The following SGSM3 variants were observed in gnomAD, a reference collection of about 807,000 sequenced individuals.
SGSM3 encodes the protein small G protein signaling modulator 3, also known as RUN and SH3 containing 3.
In SGSM3, 96 loss-of-function variants were observed where a neutral mutation model predicts 100.5. That is an observed-to-expected ratio of 0.96 (90% CI 0.81 to 1.13). SGSM3 has a LOEUF of 1.13. SGSM3 is among the 50% of genes most tolerant of loss of function. The pLI, the probability that SGSM3 is intolerant of heterozygous loss-of-function variation, is 0.00. For synonymous variants in SGSM3, 483 were observed against 422.8 expected (o/e 1.14, Z -1.75); for missense variants, 1,001 against 1,015.8 (o/e 0.99, Z 0.20).
At position 40,405,081 on chromosome 22, in the gene SGSM3, G is replaced by C. The variant is rs1204099627; in HGVS notation, c.475-60G>C. ...TGGGGGAGAAGCCCGCCTGGGGTCTGCCTCCCTCCCAGGGTGTCACAAGGT... is the reference window on the plus strand; with the variant it reads ...TGGGGGAGAAGCCCGCCTGGGGTCTCCCTCCCTCCCAGGGTGTCACAAGGT... On this transcript the variant is annotated intron_variant, in intron 6 of 21. Transcript: ENST00000248929. The C allele has an allele frequency of 6.2e-6, 9 of 1,455,724 alleles. No individual in the cohort carries two copies. In the East Asian group the frequency reaches 2.0e-4, roughly 33 times the overall value. The allele number at this position is 1,455,724 out of a possible 1,614,324, so 90.2% of individuals were successfully genotyped here.
intron 1 of SGSM3, among the ~76,000 whole-genome samples, chr22:40,384,470 TA>T (rs552105216): frequency 2.0e-5 from 3 of 151,254 alleles, no homozygotes; most frequent in African/African-American, 4.9e-5. Flanking sequence ...AAACAAAAAT[TA>T]AAAAAAAATT....
chr22:40,389,916 GAA>G (rs34606137), intron 1 of SGSM3, among the ~76,000 whole-genome samples: 22 of 104,950 alleles, frequency 2.1e-4, no homozygotes, highest in Admixed American at 7.4e-4. Context: ...AAAAAAAAAA[GAA>G]AAAAAAAAAA....
Position 40,408,431 on chromosome 22 carries a change from T to C in SGSM3, c.1782+2T>C. ...CACCCCTGGCTGTTTATCGAGGAGG[T>C]AAGTCAGTGGCTGGGCCCATGACCC... On this transcript the variant is annotated splice_donor_variant, in intron 16 of 21. Transcript: ENST00000248929. LOFTEE classifies it high-confidence loss of function. The C allele has an allele frequency of 6.2e-7, 1 of 1,613,066 alleles. No individual in the cohort carries two copies. Among genetic ancestry groups the C allele is most frequent in the South Asian group, 1.1e-5 (1 of 91,048 alleles).
In SGSM3 at chr22:40,400,765, C is replaced by A. The variant is rs368777526; in HGVS notation, c.-42C>A. 1.9e-5 allele frequency: 29 copies of A among 1,550,842 alleles called. No individual in the cohort carries two copies. Among genetic ancestry groups the A allele is most frequent in the Middle Eastern group, 1.7e-4 (1 of 5,980 alleles). On this transcript the variant is annotated 5_prime_UTR_variant, in exon 2 of 22. Transcript: ENST00000248929. ...TCTAAGATAGCAGGATAGGAGACTT[C>A]TAAGATTGGAGCTGCAGAAGACTTG...
At chr22:40,397,163 G>A (rs9611330) in intron 1 of SGSM3, among the ~76,000 whole-genome samples, 1,661 of 152,206 alleles carry the variant, frequency 0.011, 10 homozygotes, top group Admixed American at 0.017. Flanking sequence ...ATTCACATCC[G>A]GCTGGGCTTT....
chr22:40,388,658 G>A (rs916952189), intron 1 of SGSM3, among the ~76,000 whole-genome samples: 2 of 152,208 alleles, frequency 1.3e-5, no homozygotes, highest in Admixed American at 1.3e-4. Flanking sequence ...GGGGCCGAGA[G>A]TGGAGGCAGA....
intron 10 of SGSM3, 42 bp downstream of exon 10, chr22:40,406,704 G>T (rs762376175): frequency 2.7e-6 from 4 of 1,497,696 alleles, no homozygotes; most frequent in Admixed American, 3.5e-5. Flanking sequence ...CACAGCACAC[G>T]GGGAGGAGGG....
rs768593978 is a variant in SGSM3, at chr22:40,407,329, G to A, written c.1368+1G>A. ...CACAGACCCCAAAAACTGCAGCGTG[G>A]TGAGTCGCCAGCTCCCTGGGCTGCT... On this transcript the variant is annotated splice_donor_variant, in intron 12 of 21. Coordinates refer to ENST00000248929, the MANE Select transcript of SGSM3 (RefSeq NM_015705.6). LOFTEE classifies it high-confidence loss of function. This position sits in a 1 kb window ranked among gnomAD's most constrained non-coding sequence, Gnocchi z 4.7. The A allele has an allele frequency of 1.2e-6, 2 of 1,613,462 alleles. No individual in the cohort carries two copies. The highest frequency in any genetic ancestry group is 1.1e-5 in the South Asian group (1 of 91,082).
intron 1 of SGSM3, among the ~76,000 whole-genome samples, chr22:40,373,152 T>C (rs1250087807): frequency 6.6e-6 from 1 of 152,226 alleles, no homozygotes; most frequent in Non-Finnish European, 1.5e-5. Flanking sequence ...CAGACACTAG[T>C]TGTCACAGGT....
chr22:40,382,740 G>A (rs1485182655), intron 1 of SGSM3, among the ~76,000 whole-genome samples: 1 of 152,220 alleles, frequency 6.6e-6, no homozygotes, highest in Non-Finnish European at 1.5e-5. Flanking sequence ...TGTGAGATAC[G>A]TTATATTGTG....
intron 1 of SGSM3, among the ~76,000 whole-genome samples, chr22:40,380,598 C>A (rs2047409060): frequency 6.6e-6 from 1 of 152,090 alleles, no homozygotes; most frequent in African/African-American, 2.4e-5. Flanking sequence ...AACTCCTGAC[C>A]TCAAGTGATC....
intron 1 of SGSM3, among the ~76,000 whole-genome samples, chr22:40,396,486 G>T (rs2050057707): frequency 6.6e-6 from 1 of 151,820 alleles, no homozygotes; most frequent in African/African-American, 2.4e-5. Context: ...CCAGCTACCT[G>T]GGAGGCTGAG....
chr22:40,380,478 C>T (rs1367628826), intron 1 of SGSM3, among the ~76,000 whole-genome samples: 5 of 151,760 alleles, frequency 3.3e-5, no homozygotes, highest in African/African-American at 9.7e-5. Context: ...GCAATTCTCC[C>T]ACCTCAGCAT....
intron 2 of SGSM3, 65 bp from the exon 3 acceptor site, chr22:40,401,528 G>T: frequency 1.5e-6 from 2 of 1,305,970 alleles, no homozygotes; most frequent in Non-Finnish European, 2.2e-6. Flanking sequence ...TTACAGGCGT[G>T]AGCCACTGCG....
At chr22:40,381,451 A>G (rs949855126) in intron 1 of SGSM3, among the ~76,000 whole-genome samples, 2 of 152,190 alleles carry the variant, frequency 1.3e-5, no homozygotes, top group Non-Finnish European at 2.9e-5. Context: ...GCCCGGCTAC[A>G]AGGCATTTTA....
Position 40,410,215 on chromosome 22 carries a change from TGGGACACAACAGACCC to T in SGSM3, c.*462_*477del, listed in dbSNP as rs987776709. On this transcript the variant is annotated 3_prime_UTR_variant, in exon 22 of 22. Transcript: ENST00000248929. ...AGGCACTGCGTGGCCCCTCAGATGC[TGGGACACAACAGACCC>T]GGGACCCAGCTGTGCTACCCACCCC... 1 of 1,058,682 alleles carries T rather than the reference TGGGACACAACAGACCC, an allele frequency of 9.4e-7. No individual in the cohort carries two copies. Among genetic ancestry groups the T allele is most frequent in the African/African-American group, 1.6e-5 (1 of 60,654 alleles). 65.6% of individuals were successfully genotyped at this position (1,058,682 alleles called of 1,614,324 possible). A position where few individuals can be genotyped will look rare whatever the true frequency, so the allele number is the denominator to read the frequency against.
chr22:40,406,546 C>A lies in SGSM3; in HGVS notation c.1069C>A (p.Leu357Met), dbSNP rs1386692368. The A allele has an allele frequency of 1.2e-6, 2 of 1,612,912 alleles. No homozygotes were observed. Among genetic ancestry groups the A allele is most frequent in the Non-Finnish European group, 1.7e-6 (2 of 1,179,920 alleles). Residue 357 changes from leucine to methionine, a missense_variant, in exon 10 of 22, where the codon CTG becomes ATG. Leu to Met is a conservative substitution (Grantham distance 15). Transcript: ENST00000248929. ...AELLLGVAMR[L>M]AGSLTDVAVE... ...GCTGCTTCTGGGGGTGGCCATGCGG[C>A]TGGCCGGCTCCCTCACCGATGTGGC...
Position 40,407,449 on chromosome 22 carries a change from C to T in SGSM3, c.1405C>T (p.Arg469Trp), listed in dbSNP as rs191838178. The change falls in exon 13 of 22, where the codon CGG becomes TGG. Residue 469 changes from arginine to tryptophan, a missense_variant. Coordinates refer to ENST00000248929, the MANE Select transcript of SGSM3 (RefSeq NM_015705.6). The surrounding 1 kb of genome is among the most constrained non-coding windows in gnomAD (Gnocchi z 4.7). The part of the protein sequence containing the change: ...TPDYSMESHQ[R>W]DHENYVACSR... ...AGACTATAGCATGGAGAGCCACCAG[C>T]GGGACCACGAGAACTACGTGGCGTG... The T allele has an allele frequency of 1.1e-5, 17 of 1,612,518 alleles. No individual in the cohort carries two copies. Among genetic ancestry groups the T allele is most frequent in the Admixed American group, 5.0e-5 (3 of 60,022 alleles).
rs1450605605 is a variant in SGSM3, at chr22:40,410,047, G to C, written c.*288G>C. On this transcript the variant is annotated 3_prime_UTR_variant, in exon 22 of 22. Transcript: ENST00000248929. ...TGCTCAGGAAGAGGGAAGGGGATGG[G>C]GGTGGCTAGTAGGCTCCTGGCCTCT... 5 of 1,308,196 alleles carry C rather than the reference G, an allele frequency of 3.8e-6. No individual in the cohort carries two copies. Among genetic ancestry groups the C allele is most frequent in the Admixed American group, 3.9e-5 (1 of 25,752 alleles). The allele number at this position is 1,308,196 out of a possible 1,614,324, so 81.0% of individuals were successfully genotyped here.
Sources: gnomAD v4.1 joint callset for allele counts (sites outside exome capture counted in the v4.1 genomes callset) on GRCh38, gnomAD v4.1.1 for gene constraint, Gnocchi (gnomAD v3.1) non-coding constraint, MANE v1.5 for transcripts, NCBI Gene and HGNC (gene_info 2026-07-23, HGNC 2026-07-21) for gene names.